The following TSHZ1 variants were observed in gnomAD, a reference collection of about 807,000 sequenced individuals.
TSHZ1 encodes the protein teashirt zinc finger homeobox 1, also known as teashirt homolog 1.
TSHZ1 carries 12 observed loss-of-function variants against 67.1 expected under a neutral mutation model. The ratio of observed to expected loss-of-function variants is 0.18; its 90% CI spans 0.11 to 0.29. The LOEUF (loss-of-function observed/expected upper bound fraction) is 0.29, where lower values mean the gene tolerates loss of function less well. TSHZ1 is among the 10% of genes least tolerant of loss of function. The pLI, the probability that TSHZ1 is intolerant of heterozygous loss-of-function variation, is 1.00. For synonymous variants in TSHZ1, 632 were observed against 622.4 expected (o/e 1.02, Z -0.23); for missense variants, 1,305 against 1,413.9 (o/e 0.92, Z 1.23).
rs1271884030 is a variant in TSHZ1, at chr18:75,289,061, C to T, written c.*420C>T. The T allele has an allele frequency of 5.9e-6, 1 of 168,144 alleles. No individual in the cohort carries two copies. The highest frequency in any genetic ancestry group is 2.4e-5 in the African/African-American group (1 of 41,092). The allele number at this position is 168,144 out of a possible 1,614,324, so 10.4% of individuals were successfully genotyped here. A position where few individuals can be genotyped will look rare whatever the true frequency, so the allele number is the denominator to read the frequency against. On this transcript the variant is annotated 3_prime_UTR_variant, in exon 2 of 2. Transcript: ENST00000580243. ...TGAGGACTGTAATTGCATTTCTGTG[C>T]CTTTCACTTGAAAAAAAAAAAAGAA...
At chr18:75,222,490 T>C (rs1323552467) in intron 1 of TSHZ1, among the ~76,000 whole-genome samples, 1 of 152,044 alleles carries the variant, frequency 6.6e-6, no homozygotes, top group African/African-American at 2.4e-5. Context: ...CAACTCCTCC[T>C]CCTCTCTCTA....
At chr18:75,249,434 T>C (rs2023265665) in intron 1 of TSHZ1, among the ~76,000 whole-genome samples, 1 of 137,602 alleles carries the variant, frequency 7.3e-6, no homozygotes, top group Non-Finnish European at 1.6e-5. Flanking sequence ...GGGGAACAGA[T>C]GACTTCCTCC....
chr18:75,282,501 T>C (rs2023698748), intron 1 of TSHZ1, among the ~76,000 whole-genome samples: 1 of 152,190 alleles, frequency 6.6e-6, no homozygotes, highest in Non-Finnish European at 1.5e-5. Context: ...CTGACTCCCA[T>C]TGTGGCTGTA....
intron 1 of TSHZ1, among the ~76,000 whole-genome samples, chr18:75,254,955 T>A (rs1214496973): frequency 6.6e-6 from 1 of 152,184 alleles, no homozygotes; most frequent in African/African-American, 2.4e-5. Flanking sequence ...CAAAAATGAC[T>A]CCCCAGAATA....
chr18:75,248,098 C>T (rs1370769774), intron 1 of TSHZ1, among the ~76,000 whole-genome samples: 1 of 152,080 alleles, frequency 6.6e-6, no homozygotes, highest in Non-Finnish European at 1.5e-5. Flanking sequence ...TTATTTGAGG[C>T]TATATATGAA....
At position 75,210,997 on chromosome 18, in the gene TSHZ1, TC is replaced by T. The variant is rs1379364361; in HGVS notation, c.-879del. On this transcript the variant is annotated 5_prime_UTR_variant, in exon 1 of 2. The change creates a premature stop within an existing upstream ORF in the 5' untranslated region. Coordinates refer to ENST00000580243, the MANE Select transcript of TSHZ1 (RefSeq NM_001308210.2). Reference sequence around the variant, plus strand: ...CCGGGTTGTTGTTGCCTTTTTTTTTTCTTGGAGGGGGGGGTGCTTTTTGTGT... The same window carrying T: ...CCGGGTTGTTGTTGCCTTTTTTTTTTTTGGAGGGGGGGGTGCTTTTTGTGT... 1.0e-5 allele frequency: 1 copy of T among 97,982 alleles called. No homozygotes were observed. The highest frequency in any genetic ancestry group is 2.1e-5 in the Non-Finnish European group (1 of 46,554). 6.1% of individuals were successfully genotyped at this position (97,982 alleles called of 1,614,324 possible). A position where few individuals can be genotyped will look rare whatever the true frequency, so the allele number is the denominator to read the frequency against.
intron 1 of TSHZ1, among the ~76,000 whole-genome samples, chr18:75,278,720 G>T (rs2023645627): frequency 6.6e-6 from 1 of 152,130 alleles, no homozygotes; most frequent in Non-Finnish European, 1.5e-5. Flanking sequence ...TGTGACAGGG[G>T]AGATCAGAAG....
chr18:75,220,084 C>A (rs1214537724), intron 1 of TSHZ1, among the ~76,000 whole-genome samples: 1 of 152,202 alleles, frequency 6.6e-6, no homozygotes, highest in African/African-American at 2.4e-5. Context: ...ATTTTAAAAT[C>A]CAGTGTTAAT....
chr18:75,234,309 T>C (rs1395131993), intron 1 of TSHZ1, among the ~76,000 whole-genome samples: 2 of 152,212 alleles, frequency 1.3e-5, no homozygotes, highest in Non-Finnish European at 2.9e-5. Context: ...ACTCCTTCTT[T>C]TCCTTTCCCT....
intron 1 of TSHZ1, among the ~76,000 whole-genome samples, chr18:75,242,070 C>G (rs2023163475): frequency 6.6e-6 from 1 of 151,462 alleles, no homozygotes; most frequent in Non-Finnish European, 1.5e-5. Flanking sequence ...TGAGAGATAC[C>G]AAAGGACAAA....
intron 1 of TSHZ1, among the ~76,000 whole-genome samples, chr18:75,238,087 C>T (rs1293863786): frequency 6.6e-6 from 1 of 152,204 alleles, no homozygotes; most frequent in Non-Finnish European, 1.5e-5. Context: ...AAGCGTGAGC[C>T]ACCACGCCAG....
intron 1 of TSHZ1, among the ~76,000 whole-genome samples, chr18:75,267,443 T>C (rs1158024916): frequency 2.0e-5 from 3 of 152,204 alleles, no homozygotes; most frequent in South Asian, 2.1e-4. Context: ...TTCAAGGAGA[T>C]GGAACGCTGC....
Position 75,288,674 on chromosome 18 carries a change from C to A in TSHZ1, c.*33C>A. 6.5e-7 allele frequency: 1 copy of A among 1,537,494 alleles called. No homozygotes were observed. On this transcript the variant is annotated 3_prime_UTR_variant, in exon 2 of 2. Transcript: ENST00000580243. The surrounding 1 kb of genome is among the most constrained non-coding windows in gnomAD (Gnocchi z 4.9). The stretch of plus-strand genomic sequence containing the variant: ...GTATGCAAGAGACCGCGGAACATTG[C>A]ACTAAACGTCGTCGAGCTGCACTAG...
chr18:75,285,149 G>A (rs940304922), intron 1 of TSHZ1: 2 of 251,558 alleles, frequency 8.0e-6, no homozygotes, highest in African/African-American at 2.2e-5. Context: ...GCAGGTGGTG[G>A]CTGGAGTCCC....
intron 1 of TSHZ1, among the ~76,000 whole-genome samples, chr18:75,235,829 G>A (rs990099709): frequency 1.3e-5 from 2 of 152,128 alleles, no homozygotes; most frequent in African/African-American, 4.8e-5. Flanking sequence ...GTTTGGCAGC[G>A]ACCTGCCTCT....
chr18:75,224,039 G>A (rs2022884670), intron 1 of TSHZ1, among the ~76,000 whole-genome samples: 2 of 125,364 alleles, frequency 1.6e-5, no homozygotes, highest in South Asian at 5.4e-4. Context: ...CAAAGGTTTT[G>A]AAAGACTTCA....
rs776134386 is a variant in TSHZ1, at chr18:75,286,457, C to A, written c.1050C>A (p.Ser350=). Residue 350 remains serine, a synonymous_variant, in exon 2 of 2, where the codon TCC becomes TCA. Transcript: ENST00000580243. This position sits in a 1 kb window ranked among gnomAD's most constrained non-coding sequence, Gnocchi z 5.1. ...CAGCCATCACCAAACTGGTCCCCTC[C>A]ACCAAAAAGCGGGCGCTTCAGGACC... ...PVPAITKLVP[S]TKKRALQDLA... 2 of 1,614,200 alleles carry A rather than the reference C, an allele frequency of 1.2e-6. No individual in the cohort carries two copies. Among genetic ancestry groups the A allele is most frequent in the Non-Finnish European group, 1.7e-6 (2 of 1,180,034 alleles).
At chr18:75,245,271 A>G (rs1268981772) in intron 1 of TSHZ1, 2 of 152,202 alleles carry the variant, frequency 1.3e-5, no homozygotes, top group African/African-American at 4.8e-5. Context: ...CCACATTGGT[A>G]TTTTTAGAAG....
chr18:75,217,369 CCCT>C (rs2022783736), intron 1 of TSHZ1, among the ~76,000 whole-genome samples: 1 of 152,070 alleles, frequency 6.6e-6, no homozygotes, highest in Admixed American at 6.5e-5. Context: ...GTCCCCTCTC[CCCT>C]CCTCCAAGGG....
Sources: gnomAD v4.1 joint callset for allele counts (sites outside exome capture counted in the v4.1 genomes callset) on GRCh38, gnomAD v4.1.1 for gene constraint, Gnocchi (gnomAD v3.1) non-coding constraint, MANE v1.5 for transcripts, NCBI Gene and HGNC (gene_info 2026-07-23, HGNC 2026-07-21) for gene names.